Variants in SOAT1 observed in about 807,000 individuals in gnomAD.
The protein encoded by SOAT1 is acyl-coenzyme A:cholesterol acyltransferase 1.
A neutral mutation model predicts 69.5 loss-of-function variants in SOAT1; 55 were observed. The ratio of observed to expected loss-of-function variants is 0.79; its 90% confidence interval spans 0.64 to 0.99. The LOEUF is 0.99. SOAT1 is among the 50% of genes least tolerant of loss of function. The probability of loss-of-function intolerance (pLI) is 0.00; values close to 1 mark genes in which losing one functional copy is unlikely to be tolerated. For missense variants in SOAT1, 580 were observed against 669.3 expected (o/e 0.87, Z 1.47); for synonymous variants, 231 against 224.7 (o/e 1.03, Z -0.25).
chr1:179,322,857 T>G (rs1665650480), intron 2 of SOAT1, among the ~76,000 whole-genome samples: 2 of 152,144 alleles, frequency 1.3e-5, no homozygotes, highest in Admixed American at 1.3e-4. Context: ...TACGTGGCAG[T>G]ATCCTGTTAG....
chr1:179,334,810 GT>G (rs1481353360), intron 3 of SOAT1, among the ~76,000 whole-genome samples: 1 of 151,996 alleles, frequency 6.6e-6, no homozygotes, highest in African/African-American at 2.4e-5. Context: ...GAGGTTGGGA[GT>G]TGGAGACCAG....
chr1:179,294,059 C>G (rs368353002), intron 1 of SOAT1, 123 bp downstream of exon 1: 1 of 142,928 alleles, frequency 7.0e-6, no homozygotes, highest in African/African-American at 2.5e-5. Flanking sequence ...GGCTGTGCTG[C>G]GGAGAAGGCG....
chr1:179,322,027 G>A (rs535967424), intron 2 of SOAT1, among the ~76,000 whole-genome samples: 16 of 151,750 alleles, frequency 1.1e-4, no homozygotes, highest in Non-Finnish European at 1.6e-4. Flanking sequence ...GACTACAGGC[G>A]TGCACCACCA....
rs1194375715 is a variant in SOAT1, at chr1:179,357,292, T to G, written c.*3651T>G. 6.6e-6 allele frequency: 1 copy of G among 152,590 alleles called. No individual in the cohort carries two copies. The highest frequency in any genetic ancestry group is 2.4e-5 in the African/African-American group (1 of 41,446). 9.5% of individuals were successfully genotyped at this position (152,590 alleles called of 1,614,324 possible). On this transcript the variant is annotated 3_prime_UTR_variant, in exon 16 of 16. Transcript: ENST00000367619. ...ATCTCAGCTCACTGCAACCTCTGCC[T>G]CCTGGGTTCAAGCGATTCTCCTGCC...
intron 7 of SOAT1, 116 bp from the exon 8 acceptor site, chr1:179,341,998 T>A: frequency 4.4e-6 from 6 of 1,376,168 alleles, no homozygotes; most frequent in Non-Finnish European, 5.8e-6. Flanking sequence ...AATTTGTTTA[T>A]ACACTTATCA....
At chr1:179,296,482 C>T (rs1483014704) in intron 1 of SOAT1, among the ~76,000 whole-genome samples, 1 of 152,046 alleles carries the variant, frequency 6.6e-6, no homozygotes, top group Non-Finnish European at 1.5e-5. Flanking sequence ...AAGAGGATGG[C>T]TTTGTTTTGC....
Position 179,344,352 on chromosome 1 carries a change from GGTTTTTTTTT to G in SOAT1, c.988-594_988-585del, listed in dbSNP as rs1232592903. Among the ~76,000 whole-genome samples, 88 of 120,550 alleles carry G rather than the reference GGTTTTTTTTT, an allele frequency of 7.3e-4. 13 individuals are homozygous for G. Among genetic ancestry groups the G allele is most frequent in the East Asian group, 5.5e-3 (22 of 4,022 alleles). The allele number at this position is 120,550 out of a possible 152,430, so 79.1% of individuals were successfully genotyped here. A position where few individuals can be genotyped will look rare whatever the true frequency, so the allele number is the denominator to read the frequency against. On this transcript the variant is annotated intron_variant, in intron 10 of 15. Transcript: ENST00000367619. Reference sequence around the variant, plus strand: ...TATGAAGTAAGTTCTTTCATTAAGGGGTTTTTTTTTTTTTTTTTTTTTTTTTTTTTTTTTT... The same window carrying G: ...TATGAAGTAAGTTCTTTCATTAAGGGTTTTTTTTTTTTTTTTTTTTTTTTT...
At chr1:179,351,931 G>C (rs998905317) in intron 15 of SOAT1, among the ~76,000 whole-genome samples, 2 of 151,644 alleles carry the variant, frequency 1.3e-5, no homozygotes, top group African/African-American at 4.8e-5. Context: ...TGTTAGCCAG[G>C]ATGGTCTTGA....
At position 179,345,075 on chromosome 1, in the gene SOAT1, A is replaced by G; in HGVS notation, c.1116A>G (p.Pro372=). ...LVLCVFNSIL[P]GVLILFLTFF... is the part of the protein sequence containing the mutation. The stretch of plus-strand genomic sequence containing the variant: ...TATGTGTATTTAACTCCATCTTGCC[A>G]GGTAACATGGGTACTTGTTAATTTG... Residue 372 remains proline (P), a splice_region_variant and synonymous_variant, in exon 11 of 16, where the codon CCA becomes CCG. Coordinates refer to ENST00000367619, the MANE Select transcript of SOAT1 (RefSeq NM_003101.6). 6.2e-7 allele frequency: 1 copy of G among 1,613,800 alleles called. No individual in the cohort carries two copies. The highest frequency in any genetic ancestry group is 1.1e-5 in the South Asian group (1 of 91,070).
intron 2 of SOAT1, among the ~76,000 whole-genome samples, chr1:179,321,879 T>A (rs962385058): frequency 1.3e-5 from 2 of 152,098 alleles, no homozygotes; most frequent in Non-Finnish European, 2.9e-5. Context: ...TTTCCTTCTT[T>A]TTTTCTTTCC....
intron 10 of SOAT1, 139 bp from the exon 11 acceptor site, chr1:179,344,808 T>C (rs755260344): frequency 1.1e-5 from 8 of 749,064 alleles, no homozygotes; most frequent in Non-Finnish European, 1.8e-5. Flanking sequence ...TATAGCAGTC[T>C]TCTATACTAG....
rs552217203 is a variant in SOAT1, at chr1:179,341,530, G to A, written c.780+220G>A. On this transcript the variant is annotated intron_variant, in intron 7 of 15. Coordinates refer to ENST00000367619, the MANE Select transcript of SOAT1 (RefSeq NM_003101.6). ...CTCTGAATTTTGATAAATAAATTAC[G>A]TTGAACTTTTTTTTTTTTTTTTGAG... Among the ~76,000 whole-genome samples the A allele has an allele frequency of 7.4e-4, 109 of 147,884 alleles. 1 individual carries two copies. The highest frequency in any genetic ancestry group is 3.6e-3 in the Middle Eastern group (1 of 280).
chr1:179,302,233 C>A (rs1664854931), intron 1 of SOAT1, among the ~76,000 whole-genome samples: 1 of 152,084 alleles, frequency 6.6e-6, no homozygotes, highest in Admixed American at 6.5e-5. Flanking sequence ...TCACATTTCA[C>A]CTCTCCTAAA....
At chr1:179,345,593 C>T (rs1172029727) in intron 11 of SOAT1, among the ~76,000 whole-genome samples, 2 of 148,760 alleles carry the variant, frequency 1.3e-5, no homozygotes, top group Admixed American at 1.5e-4. Flanking sequence ...AATCGGGTCT[C>T]TCTTTGTCAC....
intron 10 of SOAT1, among the ~76,000 whole-genome samples, chr1:179,344,353 G>GTTTTTTTTT (rs1553247808): frequency 2.1e-4 from 3 of 14,188 alleles, no homozygotes; most frequent in Non-Finnish European, 2.6e-4. Context: ...TCATTAAGGG[G>GTTTTTTTTT]TTTTTTTTTT....
chr1:179,300,643 G>A (rs1038988320), intron 1 of SOAT1, among the ~76,000 whole-genome samples: 8 of 151,962 alleles, frequency 5.3e-5, no homozygotes, highest in African/African-American at 1.9e-4. Context: ...ATACAGAAAA[G>A]GATATTTTAG....
rs568971113 is a variant in SOAT1 at position 179,334,302 on chromosome 1, AT to A, written c.178-1203del. ...GTTAGAAGTTATATTAGAGTAGAATATGTTAAGGTTTGGTGTAAGAGTATAT... is the reference window on the plus strand; with the variant it reads ...GTTAGAAGTTATATTAGAGTAGAATAGTTAAGGTTTGGTGTAAGAGTATAT... On this transcript the variant is annotated intron_variant, in intron 3 of 15. Coordinates refer to ENST00000367619, the MANE Select transcript of SOAT1 (RefSeq NM_003101.6). 3.4e-4 allele frequency among the ~76,000 whole-genome samples: 52 copies of A among 152,300 alleles called. No individual in the cohort carries two copies. In the East Asian group the frequency reaches 7.3e-3, roughly 21 times the overall value.
Position 179,339,455 on chromosome 1 carries a change from A to G in SOAT1, c.407A>G (p.Asp136Gly). 1 of 1,607,506 alleles carries G rather than the reference A, an allele frequency of 6.2e-7. No individual in the cohort carries two copies. Among genetic ancestry groups the G allele is most frequent in the African/African-American group, 1.3e-5 (1 of 74,752 alleles). Residue 136 changes from aspartate (D) to glycine (G), a missense_variant, in exon 6 of 16, where the codon GAC (aspartate) becomes GGC (glycine). Transcript: ENST00000367619. Reference sequence around the variant, plus strand: ...ATTTACAGTGAACTGCTTGAAGTGGACCACATCAGAACAATATATCACATG... The same window carrying G: ...ATTTACAGTGAACTGCTTGAAGTGGGCCACATCAGAACAATATATCACATG... ...RSLLDELLEVDHIRTIYHMFI... is the reference protein window; with the variant it reads ...RSLLDELLEVGHIRTIYHMFI...
At chr1:179,348,649 T>C (rs1431007347) in intron 12 of SOAT1, among the ~76,000 whole-genome samples, 195 bp from the exon 13 acceptor site, 1 of 152,184 alleles carries the variant, frequency 6.6e-6, no homozygotes, top group Admixed American at 6.6e-5. Context: ...CAAAATGCCT[T>C]TGAAGATTTT....
Sources: gnomAD v4.1 joint callset for allele counts (sites outside exome capture counted in the v4.1 genomes callset) on GRCh38, gnomAD v4.1.1 for gene constraint, MANE v1.5 for transcripts, NCBI Gene and HGNC (gene_info 2026-07-23, HGNC 2026-07-21) for gene names.